The following LONRF1 variants were observed in gnomAD, a reference collection of about 807,000 sequenced individuals.
The protein encoded by LONRF1 is LON peptidase N-terminal domain and RING finger protein 1.
In LONRF1, 37 loss-of-function variants were observed where a neutral mutation model predicts 85.8. That is an observed-to-expected ratio of 0.43 (90% CI 0.33 to 0.57). LONRF1 has a LOEUF of 0.57. LONRF1 is among the 20% of genes least tolerant of loss of function. The probability of loss-of-function intolerance (pLI) is 0.04; values close to 1 mark genes in which losing one functional copy is unlikely to be tolerated. For missense variants in LONRF1, 1,036 were observed against 978.0 expected (o/e 1.06, Z -0.79); for synonymous variants, 517 against 390.1 (o/e 1.33, Z -3.83).
At chr8:12,738,355 A>T (rs1183640390) in intron 3 of LONRF1, among the ~76,000 whole-genome samples, 1 of 152,198 alleles carries the variant, frequency 6.6e-6, no homozygotes, top group Non-Finnish European at 1.5e-5. Flanking sequence ...CAAACAAATG[A>T]TTCAAAACTT....
At chr8:12,740,782 ATG>A in intron 3 of LONRF1, 90 bp downstream of exon 3, 3 of 1,468,420 alleles carry the variant, frequency 2.0e-6, no homozygotes, top group Non-Finnish European at 2.8e-6. Flanking sequence ...TTTACTACTT[ATG>A]TTCTTATTCC....
At chr8:12,724,615 A>G (rs1047720186) in intron 11 of LONRF1, among the ~76,000 whole-genome samples, 1 of 152,212 alleles carries the variant, frequency 6.6e-6, no homozygotes, top group Non-Finnish European at 1.5e-5. Flanking sequence ...CTGCTAACAG[A>G]AAGCAGTGAT....
At chr8:12,754,519 A>G (rs1004979728) in intron 1 of LONRF1, among the ~76,000 whole-genome samples, 181 bp downstream of exon 1, 1 of 151,810 alleles carries the variant, frequency 6.6e-6, no homozygotes, top group East Asian at 1.9e-4. Context: ...TTATGACCGA[A>G]GCACCCCGGG....
chr8:12,740,285 G>C (rs1463337251), intron 3 of LONRF1, among the ~76,000 whole-genome samples: 1 of 152,112 alleles, frequency 6.6e-6, no homozygotes, highest in Non-Finnish European at 1.5e-5. Flanking sequence ...TTTCATGCTG[G>C]CATATCAAAA....
intron 11 of LONRF1, among the ~76,000 whole-genome samples, chr8:12,723,473 C>T (rs1305751660): frequency 6.6e-6 from 1 of 152,184 alleles, no homozygotes; most frequent in African/African-American, 2.4e-5. Flanking sequence ...TGTGGCAGAG[C>T]CGAGATTCAA....
chr8:12,742,526 G>C (rs1420553808), intron 2 of LONRF1, among the ~76,000 whole-genome samples: 1 of 152,086 alleles, frequency 6.6e-6, no homozygotes, highest in Non-Finnish European at 1.5e-5. Flanking sequence ...CCAACTTTAA[G>C]AACCTATTCT....
chr8:12,748,796 C>T (rs989880034), intron 1 of LONRF1, among the ~76,000 whole-genome samples: 1 of 126,698 alleles, frequency 7.9e-6, no homozygotes, highest in Non-Finnish European at 1.6e-5. Flanking sequence ...CAAAGGCTAA[C>T]CAGAATATCA....
At chr8:12,742,875 A>C (rs1431650759) in intron 2 of LONRF1, among the ~76,000 whole-genome samples, 3 of 151,720 alleles carry the variant, frequency 2.0e-5, no homozygotes, top group South Asian at 2.1e-4. Flanking sequence ...ACAGGCACAA[A>C]CAACCATGCC....
In LONRF1 at chr8:12,742,407, CCTAAGT is replaced by C. The variant is rs1318999932; in HGVS notation, c.840+751_840+756del. 2.6e-5 allele frequency among the ~76,000 whole-genome samples: 4 copies of C among 152,260 alleles called. No individual in the cohort carries two copies. In the East Asian group the frequency reaches 7.7e-4, roughly 29 times the overall value. ...AAACTGACTGTATGTTATACACATT[CCTAAGT>C]CTTTTTAAAAGCCACATGGGCAAGG... On this transcript the variant is annotated intron_variant, in intron 2 of 11. Transcript: ENST00000398246.
In LONRF1 at chr8:12,725,750, G is replaced by C; in HGVS notation, c.2140C>G (p.Pro714Ala). 1 of 1,613,046 alleles carries C rather than the reference G, an allele frequency of 6.2e-7. No individual in the cohort carries two copies. Among genetic ancestry groups the C allele is most frequent in the Non-Finnish European group, 8.5e-7 (1 of 1,179,142 alleles). ...SQILQHFGSM[P>A]EREENLQAAP... ...ACCTGAAGGTTTTCCTCCCTCTCGG[G>C]CATTGATCCGAAATGCTGAAGAATT... The change falls in exon 11 of 12, where the codon CCC becomes GCC. Residue 714 changes from proline to alanine, a missense_variant. Pro to Ala is a conservative substitution (Grantham distance 27, BLOSUM62 -1). Coordinates refer to ENST00000398246, the MANE Select transcript of LONRF1 (RefSeq NM_152271.5).
At chr8:12,742,822 C>T (rs538381968) in intron 2 of LONRF1, among the ~76,000 whole-genome samples, 48 of 152,188 alleles carry the variant, frequency 3.2e-4, no homozygotes, top group Non-Finnish European at 5.9e-4. Context: ...ATCTCCAGGG[C>T]TCCAGTGACC....
At position 12,723,046 on chromosome 8, in the gene LONRF1, A is replaced by T; in HGVS notation, c.*50T>A. 6.8e-7 allele frequency: 1 copy of T among 1,481,402 alleles called. No homozygotes were observed. Among genetic ancestry groups the T allele is most frequent in the Non-Finnish European group, 9.1e-7 (1 of 1,100,428 alleles). 91.8% of individuals were successfully genotyped at this position (1,481,402 alleles called of 1,614,324 possible). ...TGCAAAGGCAGCAGACAATCTGGCC[A>T]TCAATGCAGCCAGATTAGGGTCACT... On this transcript the variant is annotated 3_prime_UTR_variant, in exon 12 of 12. Transcript: ENST00000398246.
Position 12,741,067 on chromosome 8 carries a change from GA to G in LONRF1, c.841-72del, listed in dbSNP as rs1210008544. 12 of 1,563,392 alleles carry G rather than the reference GA, an allele frequency of 7.7e-6. No homozygotes were observed. The East Asian group carries it at 2.3e-4, about 30-fold the overall frequency. ...TTTTAAAAAATCATTATCAAGTAAA[GA>G]AAAACAATAGTCTGCTCAGCAGTGC... On this transcript the variant is annotated intron_variant, in intron 2 of 11. Transcript: ENST00000398246.
At chr8:12,730,288 C>G (rs1051871222) in intron 8 of LONRF1, among the ~76,000 whole-genome samples, 2 of 152,138 alleles carry the variant, frequency 1.3e-5, no homozygotes, top group Non-Finnish European at 2.9e-5. Context: ...ATGATCCCAT[C>G]TTTGTTTAAA....
chr8:12,738,309 C>T (rs1267648760), intron 3 of LONRF1, among the ~76,000 whole-genome samples, 165 bp from the exon 4 acceptor site: 2 of 151,942 alleles, frequency 1.3e-5, no homozygotes, highest in Non-Finnish European at 2.9e-5. Context: ...AAAAGTCTTG[C>T]AAAATTAGGT....
chr8:12,730,853 A>C (rs1798501806), intron 8 of LONRF1, among the ~76,000 whole-genome samples: 1 of 152,224 alleles, frequency 6.6e-6, no homozygotes. Context: ...CTACAAGCAC[A>C]GCTTTTCTTA....
rs1264436603 is a variant in LONRF1, at chr8:12,731,840, C to T, written c.1584G>A (p.Arg528=). Residue 528 remains arginine (R), a synonymous_variant, in exon 8 of 12, where the codon AGG becomes AGA. Coordinates refer to ENST00000398246, the MANE Select transcript of LONRF1 (RefSeq NM_152271.5). ...ESLKEYLADR[R]YCVTQLLEEL... ...CTTCCAACAGCTGTGTGACACAGTA[C>T]CTCCTATCTGCTAGATACTAAAAGA... 3.1e-6 allele frequency: 5 copies of T among 1,612,656 alleles called. No homozygotes were observed. The highest frequency in any genetic ancestry group is 2.2e-5 in the East Asian group (1 of 44,842).
chr8:12,734,412 CTTTT>C (rs557858618), intron 7 of LONRF1, among the ~76,000 whole-genome samples: 3 of 151,992 alleles, frequency 2.0e-5, no homozygotes, highest in African/African-American at 4.8e-5. Flanking sequence ...TTGGAAGATA[CTTTT>C]TTTTAAGCAA....
At position 12,744,414 on chromosome 8, in the gene LONRF1, T is replaced by C. The variant is rs116588015; in HGVS notation, c.722-1132A>G. ...ATGTTTTACTTGTTAAAAAAAGACA[T>C]GTCTAGAATATTGTGTCTTGTGCTT... On this transcript the variant is annotated intron_variant, in intron 1 of 11. Transcript: ENST00000398246. 5.5e-3 allele frequency among the ~76,000 whole-genome samples: 842 copies of C among 152,272 alleles called. 5 individuals are homozygous for C. Among genetic ancestry groups the C allele is most frequent in the African/African-American group, 0.02 (811 of 41,558 alleles).
Sources: gnomAD v4.1 joint callset for allele counts (sites outside exome capture counted in the v4.1 genomes callset) on GRCh38, gnomAD v4.1.1 for gene constraint, MANE v1.5 for transcripts, NCBI Gene and HGNC (gene_info 2026-07-23, HGNC 2026-07-21) for gene names.